The following RASSF6 variants were observed in gnomAD, a reference collection of about 807,000 sequenced individuals.
The protein encoded by RASSF6 is Ras association domain family member 6.
Under a neutral mutation model 44.0 loss-of-function variants are expected in RASSF6, and 52 were observed. That is an observed-to-expected ratio of 1.18 (90% CI 0.95 to 1.49). RASSF6 has a LOEUF of 1.49. Ranked by LOEUF, RASSF6 falls within the 40% of genes most tolerant of loss-of-function variation. The pLI is 0.00. For synonymous variants in RASSF6, 162 were observed against 124.6 expected (o/e 1.30, Z -2.00); for missense variants, 464 against 393.3 (o/e 1.18, Z -1.52).
intron 5 of RASSF6, among the ~76,000 whole-genome samples, chr4:73,586,113 T>C (rs576767090): frequency 1.3e-5 from 2 of 151,386 alleles, no homozygotes; most frequent in African/African-American, 4.8e-5. Context: ...ATGTGGAGCA[T>C]TGAAAGATTT....
chr4:73,580,291 C>G (rs1247667), intron 8 of RASSF6, among the ~76,000 whole-genome samples: 4,327 of 147,330 alleles, frequency 0.029, 89 homozygotes, highest in African/African-American at 0.068. Flanking sequence ...ATTTGGGTTG[C>G]TTCCAAGTCT....
intron 1 of RASSF6, chr4:73,615,817 C>G: frequency 8.0e-7 from 1 of 1,251,220 alleles, no homozygotes; most frequent in Non-Finnish European, 1.1e-6. Context: ...CATTAGCGTT[C>G]CAGCAATGCT....
In RASSF6 at chr4:73,611,786, T is replaced by A; in HGVS notation, c.10A>T (p.Met4Leu). 1 of 1,611,512 alleles carries A rather than the reference T, an allele frequency of 6.2e-7. No homozygotes were observed. The highest frequency in any genetic ancestry group is 1.1e-5 in the South Asian group (1 of 90,992). The stretch of plus-strand genomic sequence containing the variant: ...ATCCAAGAGGGGTACTGGTGAGCCA[T>A]CATAGTCATCTTTTCCTCCTTTTTG... MTM[M>L]AHQYPSWIFI... Residue 4 changes from methionine (M) to leucine (L), a missense_variant, in exon 2 of 11, where the codon ATG becomes TTG. Coordinates refer to ENST00000307439, the MANE Select transcript of RASSF6 (RefSeq NM_177532.5).
intron 2 of RASSF6, among the ~76,000 whole-genome samples, chr4:73,599,508 C>T (rs1456099086): frequency 2.0e-5 from 3 of 152,216 alleles, no homozygotes; most frequent in Non-Finnish European, 4.4e-5. Flanking sequence ...GTGTCTCCCA[C>T]TGGGAAAACA....
rs1723142940 is a variant in RASSF6 at position 73,575,371 on chromosome 4, G to A, written c.*864C>T. 1 of 151,880 alleles carries A rather than the reference G, an allele frequency of 6.6e-6. No individual in the cohort carries two copies. The highest frequency in any genetic ancestry group is 2.4e-5 in the African/African-American group (1 of 41,312). 9.4% of individuals were successfully genotyped at this position (151,880 alleles called of 1,614,324 possible). Reference sequence around the variant, plus strand: ...GTTGTCATGTAGAATAAGATGCTAAGAGGGCAGAGTTTGGGATTCCCTATG... The same window carrying A: ...GTTGTCATGTAGAATAAGATGCTAAAAGGGCAGAGTTTGGGATTCCCTATG... On this transcript the variant is annotated 3_prime_UTR_variant, in exon 11 of 11. Transcript: ENST00000307439.
At chr4:73,578,687 C>T (rs902988487) in intron 8 of RASSF6, among the ~76,000 whole-genome samples, 1 of 150,812 alleles carries the variant, frequency 6.6e-6, no homozygotes. Context: ...CAGCTCACTG[C>T]AACCTCCGCC....
intron 1 of RASSF6, among the ~76,000 whole-genome samples, 180 bp from the exon 2 acceptor site, chr4:73,612,009 A>G (rs1398097622): frequency 1.3e-5 from 2 of 152,242 alleles, no homozygotes; most frequent in Non-Finnish European, 2.9e-5. Flanking sequence ...GAAAAACTAC[A>G]GAAACAGTAA....
At chr4:73,600,702 A>T (rs17805623) in intron 2 of RASSF6, among the ~76,000 whole-genome samples, 27,507 of 140,606 alleles carry the variant, frequency 0.2, 3,146 homozygotes, top group Admixed American at 0.34. Context: ...GTTTCCAAGG[A>T]TCAATACACT....
At chr4:73,582,342 A>C (rs940437043) in intron 6 of RASSF6, 52 bp from the exon 7 acceptor site, 2 of 876,186 alleles carry the variant, frequency 2.3e-6, no homozygotes, top group Non-Finnish European at 3.4e-6. Flanking sequence ...TATTAAGGGT[A>C]TTCAATATCT....
chr4:73,584,236 T>A (rs1723904579), intron 6 of RASSF6, among the ~76,000 whole-genome samples: 2 of 151,782 alleles, frequency 1.3e-5, no homozygotes, highest in South Asian at 4.2e-4. Flanking sequence ...GAAGAAGAAA[T>A]AAAGTAGAAA....
chr4:73,578,672 GATCTCAGCTCA>G (rs1161625233), intron 8 of RASSF6, among the ~76,000 whole-genome samples: 3 of 147,862 alleles, frequency 2.0e-5, no homozygotes, highest in Non-Finnish European at 4.4e-5. Context: ...GCAATGGCAC[GATCTCAGCTCA>G]CTGCAACCTC....
intron 6 of RASSF6, among the ~76,000 whole-genome samples, chr4:73,584,395 C>T (rs1011974699): frequency 6.6e-6 from 1 of 152,008 alleles, no homozygotes; most frequent in Non-Finnish European, 1.5e-5. Context: ...TATTTGAGTT[C>T]TGGAAAAAAA....
chr4:73,571,562 A>G lies in RASSF6; in HGVS notation c.*4673T>C, dbSNP rs765002882. The G allele has an allele frequency of 4.6e-5, 7 of 151,372 alleles. No homozygotes were observed. Among genetic ancestry groups the G allele is most frequent in the Non-Finnish European group, 8.8e-5 (6 of 67,968 alleles). The allele number at this position is 151,372 out of a possible 1,614,324, so 9.4% of individuals were successfully genotyped here. On this transcript the variant is annotated 3_prime_UTR_variant, in exon 11 of 11. Coordinates refer to ENST00000307439, the MANE Select transcript of RASSF6 (RefSeq NM_177532.5). ...AGGGAAAAACATATATATATATATA[A>G]TGTTTAATATTTTTTCAGCTATGGG... is the stretch of plus-strand genomic sequence containing the variant.
chr4:73,616,221 A>ATATCTATC (rs4019340), intron 1 of RASSF6, among the ~76,000 whole-genome samples: 2,844 of 149,002 alleles, frequency 0.019, 19 homozygotes, highest in Middle Eastern at 0.031. Flanking sequence ...ACATATATCT[A>ATATCTATC]TATCTATCTA....
At chr4:73,590,000 AT>A (rs1157314640) in intron 4 of RASSF6, among the ~76,000 whole-genome samples, 3 of 152,214 alleles carry the variant, frequency 2.0e-5, no homozygotes, top group Non-Finnish European at 4.4e-5. Flanking sequence ...TGTCCAAAAT[AT>A]GCAAAAGCTG....
At chr4:73,589,046 A>T (rs1724324728) in intron 4 of RASSF6, among the ~76,000 whole-genome samples, 2 of 152,152 alleles carry the variant, frequency 1.3e-5, no homozygotes, top group Non-Finnish European at 2.9e-5. Context: ...ATGGTAGTGA[A>T]TATGAAGAAA....
In RASSF6 at chr4:73,572,419, G is replaced by T. The variant is rs1722969223; in HGVS notation, c.*3816C>A. The T allele has an allele frequency of 6.6e-6, 1 of 151,996 alleles. No homozygotes were observed. Among genetic ancestry groups the T allele is most frequent in the South Asian group, 2.1e-4 (1 of 4,812 alleles). 9.4% of individuals were successfully genotyped at this position (151,996 alleles called of 1,614,324 possible). A position where few individuals can be genotyped will look rare whatever the true frequency, so the allele number is the denominator to read the frequency against. On this transcript the variant is annotated 3_prime_UTR_variant, in exon 11 of 11. Transcript: ENST00000307439. ...CATTTTTAAATGTTCTCACCACAAA[G>T]AAATTATAAGAGGTTATGGATATGT...
intron 2 of RASSF6, among the ~76,000 whole-genome samples, chr4:73,602,709 A>C (rs900552426): frequency 6.6e-6 from 1 of 152,172 alleles, no homozygotes; most frequent in Non-Finnish European, 1.5e-5. Context: ...CCCTTAAAAT[A>C]CTTTAAAATG....
At chr4:73,594,559 C>A (rs1302356971) in intron 3 of RASSF6, among the ~76,000 whole-genome samples, 2 of 152,262 alleles carry the variant, frequency 1.3e-5, no homozygotes, top group South Asian at 2.1e-4. Flanking sequence ...TATGATAACC[C>A]CTAATTCACA....
Sources: gnomAD v4.1 joint callset for allele counts (sites outside exome capture counted in the v4.1 genomes callset) on GRCh38, gnomAD v4.1.1 for gene constraint, MANE v1.5 for transcripts, NCBI Gene and HGNC (gene_info 2026-07-23, HGNC 2026-07-21) for gene names.